The following MYEF2 variants were observed in gnomAD, a reference collection of about 807,000 sequenced individuals.
MYEF2 encodes myelin expression factor 2.
Under a neutral mutation model 75.2 loss-of-function variants are expected in MYEF2, and 37 were observed. The ratio of observed to expected loss-of-function variants is 0.49; its 90% CI spans 0.38 to 0.65. The LOEUF (loss-of-function observed/expected upper bound fraction) is 0.65, where lower values mean the gene tolerates loss of function less well. Ranked by LOEUF, MYEF2 falls within the 30% of genes least tolerant of loss-of-function variation. The probability of loss-of-function intolerance (pLI) is 0.00; values close to 1 mark genes in which losing one functional copy is unlikely to be tolerated. For missense variants in MYEF2, 634 were observed against 771.4 expected (o/e 0.82, Z 2.11); for synonymous variants, 195 against 241.6 (o/e 0.81, Z 1.79).
rs537159133 is a variant in MYEF2 at position 48,136,462 on chromosome 15, A to T, written c.*6446T>A. The T allele has an allele frequency of 1.5e-3, 298 of 197,102 alleles. No individual in the cohort carries two copies. Among genetic ancestry groups the T allele is most frequent in the Middle Eastern group, 8.8e-3 (5 of 566 alleles). The allele number at this position is 197,102 out of a possible 1,614,324, so 12.2% of individuals were successfully genotyped here. On this transcript the variant is annotated 3_prime_UTR_variant, in exon 17 of 17. Transcript: ENST00000324324. ...AAACGAGTTTGTTGATCTTGTTTTT[A>T]AAAAAAAAAAAACAACACAGAAGTG...
In MYEF2 at chr15:48,173,980, A is replaced by G. The variant is rs192757036; in HGVS notation, c.161+4097T>C. Reference sequence around the variant, plus strand: ...AAAATTCTAACAGCATTTTTCACAGAAACGGAAAAATTCCTGAAATCCGTA... The same window carrying G: ...AAAATTCTAACAGCATTTTTCACAGGAACGGAAAAATTCCTGAAATCCGTA... On this transcript the variant is annotated intron_variant, in intron 1 of 16. Transcript: ENST00000324324. Among the ~76,000 whole-genome samples the G allele has an allele frequency of 1.2e-3, 176 of 152,272 alleles. 1 individual carries two copies. Among genetic ancestry groups the G allele is most frequent in the Admixed American group, 0.011 (167 of 15,310 alleles).
chr15:48,177,033 A>G (rs1412235664), intron 1 of MYEF2, among the ~76,000 whole-genome samples: 1 of 152,240 alleles, frequency 6.6e-6, no homozygotes, highest in East Asian at 1.9e-4. Flanking sequence ...ACATGCTTAT[A>G]CAAAGGTCAG....
chr15:48,175,506 T>A (rs368811366), intron 1 of MYEF2, among the ~76,000 whole-genome samples: 1 of 152,156 alleles, frequency 6.6e-6, no homozygotes. Flanking sequence ...AACAGATACG[T>A]TAATTAGCGT....
intron 5 of MYEF2, among the ~76,000 whole-genome samples, chr15:48,160,091 C>T (rs2039878412): frequency 1.3e-5 from 2 of 152,050 alleles, no homozygotes; most frequent in African/African-American, 2.4e-5. Flanking sequence ...TACATGCATA[C>T]ATACATGTAA....
At chr15:48,156,521 A>G (rs1271996459) in intron 9 of MYEF2, among the ~76,000 whole-genome samples, 1 of 151,850 alleles carries the variant, frequency 6.6e-6, no homozygotes, top group Non-Finnish European at 1.5e-5. Flanking sequence ...AAAAAAAAAG[A>G]CAGAAAATAT....
At chr15:48,163,560 A>G (rs1241809689) in intron 5 of MYEF2, among the ~76,000 whole-genome samples, 1 of 152,236 alleles carries the variant, frequency 6.6e-6, no homozygotes, top group East Asian at 1.9e-4. Context: ...TGAGATGGCT[A>G]CACTAAACAA....
Position 48,159,706 on chromosome 15 carries a change from T to C in MYEF2, c.624A>G (p.Leu208=). 6.2e-7 allele frequency: 1 copy of C among 1,613,686 alleles called. No individual in the cohort carries two copies. Among genetic ancestry groups the C allele is most frequent in the Non-Finnish European group, 8.5e-7 (1 of 1,179,746 alleles). Residue 208 remains leucine, a synonymous_variant, in exon 6 of 17, where the codon TTA becomes TTG. Coordinates refer to ENST00000324324, the MANE Select transcript of MYEF2 (RefSeq NM_016132.5). ...TTGGATTATTGAGTATGGAAGGTGG[T>C]AAATTCATCAACCCTGATCCCATAT... ...VPDMGSGLMN[L]PPSILNNPNI...
chr15:48,167,538 C>A, intron 2 of MYEF2, 137 bp from the exon 3 acceptor site: 1 of 633,596 alleles, frequency 1.6e-6, no homozygotes, highest in South Asian at 2.5e-5. Flanking sequence ...GACCAACATA[C>A]CTCCTATCAA....
intron 1 of MYEF2, among the ~76,000 whole-genome samples, chr15:48,176,008 C>T (rs921020647): frequency 2.0e-5 from 3 of 152,024 alleles, no homozygotes; most frequent in African/African-American, 7.2e-5. Flanking sequence ...TGGTCTCCCA[C>T]CCTCAATAAC....
At chr15:48,144,013 G>T (rs577208321) in intron 16 of MYEF2, among the ~76,000 whole-genome samples, 1 of 152,016 alleles carries the variant, frequency 6.6e-6, no homozygotes, top group Non-Finnish European at 1.5e-5. Flanking sequence ...AATTTAGGGT[G>T]TGACTACTTA....
chr15:48,147,381 C>T (rs1362380641), intron 16 of MYEF2, among the ~76,000 whole-genome samples: 1 of 151,952 alleles, frequency 6.6e-6, no homozygotes, highest in Non-Finnish European at 1.5e-5. Flanking sequence ...TCCTGCTTTG[C>T]TCTTTATCTT....
Position 48,166,120 on chromosome 15 carries a change from C to G in MYEF2, c.431+1G>C. On this transcript the variant is annotated splice_donor_variant, in intron 4 of 16. Coordinates refer to ENST00000324324, the MANE Select transcript of MYEF2 (RefSeq NM_016132.5). LOFTEE classifies it high-confidence loss of function. ...AGATACTTAAAGAAAAAATTTCTTA[C>G]CCACAACCCTATATCCAGGTAGATT... The G allele has an allele frequency of 6.3e-7, 1 of 1,578,886 alleles. No individual in the cohort carries two copies. Among genetic ancestry groups the G allele is most frequent in the Non-Finnish European group, 8.6e-7 (1 of 1,156,944 alleles).
chr15:48,136,952 A>C lies in MYEF2; in HGVS notation c.*5956T>G, dbSNP rs1307017918. 2 of 1,605,658 alleles carry C rather than the reference A, an allele frequency of 1.2e-6. No homozygotes were observed. Among genetic ancestry groups the C allele is most frequent in the Non-Finnish European group, 1.7e-6 (2 of 1,174,068 alleles). On this transcript the variant is annotated 3_prime_UTR_variant, in exon 17 of 17. Coordinates refer to ENST00000324324, the MANE Select transcript of MYEF2 (RefSeq NM_016132.5). The stretch of plus-strand genomic sequence containing the variant: ...TCTATAAGTTTACATGGCCTTAGTC[A>C]GGTTTCTGAAGGTAATCACTAAATC...
At chr15:48,156,812 A>G (rs2039715792) in intron 9 of MYEF2, among the ~76,000 whole-genome samples, 1 of 152,076 alleles carries the variant, frequency 6.6e-6, no homozygotes, top group Non-Finnish European at 1.5e-5. Context: ...ATACATTATG[A>G]TATCACTCAA....
chr15:48,176,023 G>A (rs891679775), intron 1 of MYEF2, among the ~76,000 whole-genome samples: 10 of 151,944 alleles, frequency 6.6e-5, no homozygotes, highest in Non-Finnish European at 8.8e-5. Flanking sequence ...AATAACTATG[G>A]ATTAACCTCA....
chr15:48,175,642 A>C (rs182027274), intron 1 of MYEF2, among the ~76,000 whole-genome samples: 86 of 152,240 alleles, frequency 5.6e-4, no homozygotes, highest in Non-Finnish European at 2.1e-4. Context: ...TTTATTCCTA[A>C]TAAAAATCAC....
At position 48,168,778 on chromosome 15, in the gene MYEF2, T is replaced by C. The variant is rs1336647965; in HGVS notation, c.223A>G (p.Lys75Glu). Residue 75 changes from lysine (K) to glutamate (E), a missense_variant, in exon 2 of 17, where the codon AAG (lysine) becomes GAG (glutamate). Transcript: ENST00000324324. ...SDLKEKSTGS[K>E]KANRFHPYSK... ...TAAGGATGAAATCTATTGGCCTTCT[T>C]ACTTCCTGTAGATTTTTCCTTTAAG... 6.2e-7 allele frequency: 1 copy of C among 1,613,860 alleles called. No individual in the cohort carries two copies. Among genetic ancestry groups the C allele is most frequent in the East Asian group, 2.2e-5 (1 of 44,848 alleles).
chr15:48,170,134 G>C (rs574396846), intron 1 of MYEF2, among the ~76,000 whole-genome samples: 3 of 151,646 alleles, frequency 2.0e-5, no homozygotes, highest in Non-Finnish European at 4.4e-5. Context: ...TGTTGTTGTT[G>C]TTGTTGTTTG....
chr15:48,174,614 TAA>T (rs752307781), intron 1 of MYEF2, among the ~76,000 whole-genome samples: 2 of 151,770 alleles, frequency 1.3e-5, no homozygotes, highest in Non-Finnish European at 2.9e-5. Flanking sequence ...CAACCCAATT[TAA>T]AAAATGAGAA....
Sources: gnomAD v4.1 joint callset for allele counts (sites outside exome capture counted in the v4.1 genomes callset) on GRCh38, gnomAD v4.1.1 for gene constraint, MANE v1.5 for transcripts, NCBI Gene and HGNC (gene_info 2026-07-23, HGNC 2026-07-21) for gene names.